EP400: variants seen among roughly 807,000 people sequenced by gnomAD.
The protein encoded by EP400 is E1A-binding protein p400.
EP400 carries 105 observed loss-of-function variants against 354.1 expected under a neutral mutation model. That is an observed-to-expected ratio of 0.30 (90% confidence interval 0.25 to 0.35). The LOEUF is 0.35. Among genes scored for constraint, EP400 ranks in the 10% least tolerant of loss-of-function variants. The pLI, the probability that EP400 is intolerant of heterozygous loss-of-function variation, is 1.00. For synonymous variants in EP400, 1,646 were observed against 1,716.9 expected (o/e 0.96, Z 1.02); for missense variants, 3,280 against 4,121.0 (o/e 0.80, Z 5.59).
Position 132,044,714 on chromosome 12 carries a change from C to G in EP400, c.6629C>G (p.Pro2210Arg). The G allele has an allele frequency of 6.2e-7, 1 of 1,614,206 alleles. No individual in the cohort carries two copies. Among genetic ancestry groups the G allele is most frequent in the Non-Finnish European group, 8.5e-7 (1 of 1,180,034 alleles). The change falls in exon 36 of 53, where the codon CCG (proline) becomes CGG (arginine). Residue 2210 changes from proline to arginine, a missense_variant and splice_region_variant. Physicochemically the swap from Pro to Arg is moderately radical, Grantham distance 103. Around this residue, in one of 20 missense-constraint regions of EP400, gnomAD observed 231 missense variants for 257.9 expected, o/e 0.90. Transcript: ENST00000389561. ...EDVDGQTEVM[P>R]LWTPPTPPQD... is the part of the protein sequence containing the mutation. ...GTCGATGGGCAGACAGAAGTCATGC[C>G]GGTGAGTGCTGCCCTCTCCCTTTGT... is the stretch of plus-strand genomic sequence containing the variant.
intron 51 of EP400, among the ~76,000 whole-genome samples, chr12:132,073,459 C>CTTTTTTTTTTTTTTTTTTTTTT (rs58724167): frequency 0.01 from 1,201 of 117,304 alleles, 135 homozygotes; most frequent in African/African-American, 0.024. Context: ...GTCCCTTTTC[C>CTTTTTTTTTTTTTTTTTTTTTT]TTTTTTTTTT....
intron 48 of EP400, 144 bp downstream of exon 48, chr12:132,065,030 G>A: frequency 7.1e-7 from 1 of 1,405,612 alleles, no homozygotes; most frequent in Non-Finnish European, 9.4e-7. Flanking sequence ...GTACCCCTTG[G>A]ACAGAGGACG....
rs537850056 is a variant in EP400, at chr12:132,050,998, A to G, written c.7394+343A>G. 90 of 421,208 alleles carry G rather than the reference A, an allele frequency of 2.1e-4. No homozygotes were observed. The highest frequency in any genetic ancestry group is 1.5e-3 in the African/African-American group (74 of 50,172). 26.1% of individuals were successfully genotyped at this position (421,208 alleles called of 1,614,324 possible). ...CTCTCAGGCACTGATTTTGTTCGCC[A>G]TATCTTAAGAACACACCACATTTAG... On this transcript the variant is annotated intron_variant, in intron 41 of 52. Transcript: ENST00000389561. This position sits in a 1 kb window ranked among gnomAD's most constrained non-coding sequence, Gnocchi z 4.8.
rs547138814 is a variant in EP400 at position 132,076,064 on chromosome 12, C to T, written c.9022-452C>T. The T allele has an allele frequency of 5.1e-5, 11 of 216,884 alleles. No individual in the cohort carries two copies. The East Asian group carries it at 1.0e-3, about 21-fold the overall frequency. The allele number at this position is 216,884 out of a possible 1,614,324, so 13.4% of individuals were successfully genotyped here. A position where few individuals can be genotyped will look rare whatever the true frequency, so the allele number is the denominator to read the frequency against. ...TGTAGAAAAATGATAAAATTACCAG[C>T]CTCAAAACCTTGGTGCGTCACCGGG... On this transcript the variant is annotated intron_variant, in intron 51 of 52. Coordinates refer to ENST00000389561, the MANE Select transcript of EP400 (RefSeq NM_015409.5).
chr12:131,985,215 T>G (rs759862667), intron 5 of EP400, among the ~76,000 whole-genome samples: 3 of 152,230 alleles, frequency 2.0e-5, no homozygotes, highest in Non-Finnish European at 4.4e-5. Flanking sequence ...ACTTCTAGGT[T>G]AGCCAGGGTT....
rs1289098380 is a variant in EP400 at position 132,021,144 on chromosome 12, G to T, written c.4513G>T (p.Ala1505Ser). ...ASAPRHQPAS[A>S]SSTAASPAHP... ...TGCTCCACGACACCAGCCCGCCTCG[G>T]CCTCCAGCACAGCCGCTAGCCCGGC... The change falls in exon 23 of 53, where the codon GCC becomes TCC. Residue 1505 changes from alanine (A) to serine (S), a missense_variant. By Grantham distance (99) the Ala-to-Ser change is moderately conservative (BLOSUM62 1). This residue lies in a region of EP400 where 342 missense variants were observed against 342.7 expected (regional missense o/e 1.00). Coordinates refer to ENST00000389561, the MANE Select transcript of EP400 (RefSeq NM_015409.5). 1.2e-6 allele frequency: 2 copies of T among 1,600,402 alleles called. No homozygotes were observed. Among genetic ancestry groups the T allele is most frequent in the South Asian group, 2.2e-5 (2 of 91,062 alleles).
chr12:131,986,589 T>C lies in EP400; in HGVS notation c.2005T>C (p.Ser669Pro). Residue 669 changes from serine to proline, a missense_variant, in exon 6 of 53, where the codon TCC becomes CCC. Ser to Pro is a moderately conservative substitution (Grantham distance 74, BLOSUM62 -1). This residue lies in a region of EP400 where 800 missense variants were observed against 840.0 expected (regional missense o/e 0.95). Transcript: ENST00000389561. ...GCCTCTGCCCACCTCTTCTACCTCG[T>C]CCCTCGCGCCTGTGAGTGGCTCCGG... ...PRPLPTSSTS[S>P]LAPVSGSGPG... 6.2e-7 allele frequency: 1 copy of C among 1,614,046 alleles called. No homozygotes were observed. Among genetic ancestry groups the C allele is most frequent in the East Asian group, 2.2e-5 (1 of 44,870 alleles).
chr12:132,033,681 A>G (rs1029155868), intron 30 of EP400, among the ~76,000 whole-genome samples: 4 of 151,920 alleles, frequency 2.6e-5, no homozygotes, highest in Non-Finnish European at 4.4e-5. Flanking sequence ...ACAGGTGTGC[A>G]GTACCATGCC....
chr12:132,011,694 A>G (rs1407992584), intron 16 of EP400, 60 bp downstream of exon 16: 2 of 1,534,884 alleles, frequency 1.3e-6, no homozygotes, highest in African/African-American at 2.8e-5. Flanking sequence ...TTTTTATAAA[A>G]GACACATTAA....
chr12:131,969,674 A>G (rs539687899), intron 2 of EP400, among the ~76,000 whole-genome samples: 59 of 152,278 alleles, frequency 3.9e-4, no homozygotes, highest in African/African-American at 1.4e-3. Context: ...CCATTTCGAC[A>G]AAGAGCCTGG....
intron 48 of EP400, chr12:132,065,605 A>G (rs1245211673): frequency 2.0e-5 from 3 of 152,264 alleles, no homozygotes; most frequent in Admixed American, 1.3e-4. Flanking sequence ...CTAAGTTCCC[A>G]CCCAAATCCC....
chr12:132,055,056 A>G (rs1186527436), intron 44 of EP400, 37 bp downstream of exon 44: 2 of 1,613,808 alleles, frequency 1.2e-6, no homozygotes, highest in Non-Finnish European at 1.7e-6. Context: ...TGTGGACCCC[A>G]TTTCTCCTGG....
intron 29 of EP400, 27 bp downstream of exon 29, chr12:132,030,185 T>A: frequency 6.2e-7 from 1 of 1,612,272 alleles, no homozygotes; most frequent in Non-Finnish European, 8.5e-7. Context: ...TTACATTGTC[T>A]CTGATGGGTC....
intron 30 of EP400, 97 bp from the exon 31 acceptor site, chr12:132,037,585 G>A (rs933929373): frequency 1.1e-6 from 1 of 917,338 alleles, no homozygotes; most frequent in Non-Finnish European, 1.8e-6. Context: ...CTGGAGGAGG[G>A]ACGTGGATTC....
intron 1 of EP400, among the ~76,000 whole-genome samples, chr12:131,952,239 C>T (rs988176895): frequency 1.2e-4 from 17 of 140,682 alleles, no homozygotes; most frequent in Non-Finnish European, 2.1e-4. Context: ...GGAGGCGGAG[C>T]TTGCAGTGAG....
chr12:132,062,590 G>GCAGCAGCAA lies in EP400; in HGVS notation c.8225_8226insGCAGCAACA (p.Gln2746_Gln2748dup), dbSNP rs1555223325. 18 of 1,598,410 alleles carry GCAGCAGCAA rather than the reference G, an allele frequency of 1.1e-5. No homozygotes were observed. Among genetic ancestry groups the GCAGCAGCAA allele is most frequent in the East Asian group, 2.2e-5 (1 of 44,628 alleles). ...AGCAGCAGCAGCAGCAGCAGCAGCA[G>GCAGCAGCAA]CAACAGCAGCAGCAGCAACAGACGA... On this transcript the variant is annotated inframe_insertion, in exon 47 of 53. Transcript: ENST00000389561.
chr12:132,058,739 G>A (rs951640751), intron 45 of EP400, among the ~76,000 whole-genome samples: 7 of 151,930 alleles, frequency 4.6e-5, no homozygotes, highest in African/African-American at 1.2e-4. Flanking sequence ...GTGCTCCTAC[G>A]TATGTAGAAT....
chr12:131,990,750 G>A lies in EP400; in HGVS notation c.2629+36G>A, dbSNP rs1593330355. The A allele has an allele frequency of 7.4e-6, 11 of 1,495,488 alleles. No homozygotes were observed. Among genetic ancestry groups the A allele is most frequent in the Non-Finnish European group, 1.0e-5 (11 of 1,085,498 alleles). The allele number at this position is 1,495,488 out of a possible 1,614,324, so 92.6% of individuals were successfully genotyped here. ...TTAAAAAAAGGCTCACCACGCTTGG[G>A]TGGTATTTTGTTCGGATTCTTTTCT... On this transcript the variant is annotated intron_variant, in intron 9 of 52. Coordinates refer to ENST00000389561, the MANE Select transcript of EP400 (RefSeq NM_015409.5). This position sits in a 1 kb window ranked among gnomAD's most constrained non-coding sequence, Gnocchi z 4.2.
chr12:131,982,267 C>G lies in EP400; in HGVS notation c.1718C>G (p.Ser573Cys), dbSNP rs996419942. ...GGTGTTCCCACTGCAGCCCTCTCCT[C>G]TGCGCTGCAGTTTGCACAGCAGCCG... is the stretch of plus-strand genomic sequence containing the variant. ...PAGVPTAALS[S>C]ALQFAQQPQV... is the part of the protein sequence containing the mutation. Residue 573 changes from serine to cysteine, a missense_variant, in exon 5 of 53, where the codon TCT (serine) becomes TGT (cysteine). Physicochemically the swap from Ser to Cys is moderately radical, Grantham distance 112. Around this residue, in one of 20 missense-constraint regions of EP400, gnomAD observed 800 missense variants for 840.0 expected, o/e 0.95. Coordinates refer to ENST00000389561, the MANE Select transcript of EP400 (RefSeq NM_015409.5). The G allele has an allele frequency of 2.5e-6, 4 of 1,614,096 alleles. No individual in the cohort carries two copies. In the African/African-American group the frequency reaches 4.0e-5, roughly 16 times the overall value.
Sources: gnomAD v4.1 joint callset for allele counts (sites outside exome capture counted in the v4.1 genomes callset) on GRCh38, gnomAD v4.1.1 for gene constraint, gnomAD v4.1.1 regional missense constraint, Gnocchi (gnomAD v3.1) non-coding constraint, MANE v1.5 for transcripts, NCBI Gene and HGNC (gene_info 2026-07-23, HGNC 2026-07-21) for gene names.